The following CMC1 variants were observed in gnomAD, a reference collection of about 807,000 sequenced individuals.
CMC1 encodes C-X9-C motif containing 1.
Under a neutral mutation model 14.1 loss-of-function variants are expected in CMC1, and 14 were observed. The observed-to-expected ratio is 0.99, with a 90% CI of 0.66 to 1.55. The LOEUF is 1.55. CMC1 is among the 40% of genes most tolerant of loss of function. The probability of loss-of-function intolerance (pLI) is 0.00; values close to 1 mark genes in which losing one functional copy is unlikely to be tolerated. For missense variants in CMC1, 127 were observed against 123.8 expected, an observed-to-expected ratio of 1.03 and a Z score of -0.12; for synonymous variants, 50 against 38.4, an observed-to-expected ratio of 1.30 and a Z score of -1.12.
At chr3:28,292,833 T>A (rs573775179) in intron 2 of CMC1, 11 of 152,352 alleles carry the variant, frequency 7.2e-5, no homozygotes, top group African/African-American at 2.4e-4. Flanking sequence ...GCGACACTGA[T>A]AATTAAGATT....
At chr3:28,247,000 A>G (rs1356600899) in intron 1 of CMC1, among the ~76,000 whole-genome samples, 3 of 151,902 alleles carry the variant, frequency 2.0e-5, no homozygotes, top group African/African-American at 7.3e-5. Flanking sequence ...GAACTGCTGT[A>G]TTTTCAATCG....
At chr3:28,318,224 C>T (rs780168256) in intron 3 of CMC1, 1 of 151,814 alleles carries the variant, frequency 6.6e-6, no homozygotes, top group Non-Finnish European at 1.5e-5. Context: ...CTCTTACTTT[C>T]ATTTTTTTCC....
intron 1 of CMC1, among the ~76,000 whole-genome samples, chr3:28,253,279 A>G (rs996754173): frequency 1.3e-5 from 2 of 152,276 alleles, no homozygotes; most frequent in Non-Finnish European, 2.9e-5. Context: ...CTTCATAGCT[A>G]GTAAAGAAGA....
At chr3:28,292,455 C>T (rs1191663056) in intron 2 of CMC1, among the ~76,000 whole-genome samples, 1 of 152,016 alleles carries the variant, frequency 6.6e-6, no homozygotes, top group Admixed American at 6.6e-5. Context: ...CTAGGTAAAG[C>T]TTTTTCAATT....
intron 1 of CMC1, among the ~76,000 whole-genome samples, chr3:28,253,015 G>A (rs1332296920): frequency 1.3e-5 from 2 of 152,016 alleles, no homozygotes; most frequent in African/African-American, 4.8e-5. Context: ...AGGAAAGAAG[G>A]TGAATTTTCC....
chr3:28,298,865 T>C (rs1701882512), intron 2 of CMC1, among the ~76,000 whole-genome samples: 1 of 152,058 alleles, frequency 6.6e-6, no homozygotes, highest in South Asian at 2.1e-4. Flanking sequence ...GTAGAAATAA[T>C]TTGGTTGTTT....
At position 28,241,631 on chromosome 3, in the gene CMC1, A is replaced by T; in HGVS notation, c.-163A>T. The T allele has an allele frequency of 8.1e-7, 1 of 1,231,996 alleles. No homozygotes were observed. Among genetic ancestry groups the T allele is most frequent in the Non-Finnish European group, 1.0e-6 (1 of 987,722 alleles). 76.3% of individuals were successfully genotyped at this position (1,231,996 alleles called of 1,614,324 possible). ...CGGCGGAAGTAGGAGCCTGGGAAGG[A>T]AGAGGGAACGGGTCCTGGCGGTGCT... On this transcript the variant is annotated 5_prime_UTR_variant, in exon 1 of 4. Transcript: ENST00000466830.
intron 1 of CMC1, among the ~76,000 whole-genome samples, chr3:28,244,762 T>A (rs985794548): frequency 2.0e-5 from 3 of 151,104 alleles, no homozygotes; most frequent in Non-Finnish European, 4.4e-5. Context: ...ATAATTCCAG[T>A]TTTTGTACGT....
At chr3:28,317,678 C>T (rs1053529927) in intron 3 of CMC1, 1 of 151,964 alleles carries the variant, frequency 6.6e-6, no homozygotes, top group African/African-American at 2.4e-5. Context: ...AGAGGGCAAC[C>T]TGGGTTCAGC....
At chr3:28,262,823 A>G (rs1475657882) in intron 1 of CMC1, among the ~76,000 whole-genome samples, 1 of 152,138 alleles carries the variant, frequency 6.6e-6, no homozygotes, top group Non-Finnish European at 1.5e-5. Flanking sequence ...TTGTTTTCAT[A>G]TGGACTTGTA....
chr3:28,319,821 G>T lies in CMC1; in HGVS notation c.*192G>T. ...AGGAGTAGTTACTGAATTGGGATAT[G>T]GTTTTCCTGGTCATTCTGGACCTTT... On this transcript the variant is annotated 3_prime_UTR_variant, in exon 4 of 4. Transcript: ENST00000466830. The T allele has an allele frequency of 2.2e-6, 1 of 445,948 alleles. No individual in the cohort carries two copies. The allele number at this position is 445,948 out of a possible 1,614,324, so 27.6% of individuals were successfully genotyped here.
At chr3:28,295,683 G>C (rs552683570) in intron 2 of CMC1, among the ~76,000 whole-genome samples, 6 of 152,140 alleles carry the variant, frequency 3.9e-5, no homozygotes, top group African/African-American at 1.4e-4. Flanking sequence ...CCTAAAACAG[G>C]CTTGGTACAT....
intron 2 of CMC1, among the ~76,000 whole-genome samples, chr3:28,284,887 C>T (rs1486830006): frequency 6.6e-6 from 1 of 152,140 alleles, no homozygotes; most frequent in Admixed American, 6.5e-5. Flanking sequence ...AGAAAGTATG[C>T]TCTGGCAGCC....
intron 1 of CMC1, among the ~76,000 whole-genome samples, chr3:28,251,268 G>C (rs1699112226): frequency 6.6e-6 from 1 of 152,180 alleles, no homozygotes; most frequent in South Asian, 2.1e-4. Context: ...CCAAACGTGA[G>C]AGGTGTCCTG....
chr3:28,255,724 C>CACAA (rs1559402304), intron 1 of CMC1, among the ~76,000 whole-genome samples: 1 of 138,938 alleles, frequency 7.2e-6, no homozygotes, highest in Non-Finnish European at 1.6e-5. Context: ...CATGTACATA[C>CACAA]ACACACACAC....
intron 2 of CMC1, among the ~76,000 whole-genome samples, chr3:28,306,586 A>T (rs1382754697): frequency 3.3e-5 from 5 of 152,186 alleles, no homozygotes; most frequent in African/African-American, 1.2e-4. Flanking sequence ...AGGAATCTTT[A>T]GCATTTTCTA....
In CMC1 at chr3:28,310,645, T is replaced by G. The variant is rs566375422; in HGVS notation, c.110-5688T>G. Among the ~76,000 whole-genome samples the G allele has an allele frequency of 2.0e-5, 3 of 152,352 alleles. No homozygotes were observed. The East Asian group carries it at 5.8e-4, about 29-fold the overall frequency. ...CTTTAAAATTAAGGTAATGATTTGG[T>G]GATTTCCCATCTGCAGTGTATAGAT... On this transcript the variant is annotated intron_variant, in intron 2 of 3. Coordinates refer to ENST00000466830, the MANE Select transcript of CMC1 (RefSeq NM_182523.2).
chr3:28,276,730 A>G lies in CMC1; in HGVS notation c.109+13350A>G, dbSNP rs571610281. On this transcript the variant is annotated intron_variant, in intron 2 of 3. Transcript: ENST00000466830. ...AACATTTTGCAAATACCCACAGATA[A>G]TCATATTTTACTGAAATACATTTTT... Among the ~76,000 whole-genome samples the G allele has an allele frequency of 2.6e-5, 4 of 152,348 alleles. No homozygotes were observed. The East Asian group carries it at 7.7e-4, about 29-fold the overall frequency.
At chr3:28,287,822 C>G (rs1701267460) in intron 2 of CMC1, among the ~76,000 whole-genome samples, 1 of 151,566 alleles carries the variant, frequency 6.6e-6, no homozygotes, top group South Asian at 2.1e-4. Flanking sequence ...TTTTAAAGTT[C>G]AGTTTTTATG....
Sources: gnomAD v4.1 joint callset for allele counts (sites outside exome capture counted in the v4.1 genomes callset) on GRCh38, gnomAD v4.1.1 for gene constraint, MANE v1.5 for transcripts, NCBI Gene and HGNC (gene_info 2026-07-23, HGNC 2026-07-21) for gene names.